Variants in C12orf42 observed in about 807,000 individuals in gnomAD.
C12orf42 encodes the protein uncharacterized protein C12orf42.
C12orf42 carries 25 observed loss-of-function variants against 21.6 expected under a neutral mutation model. The observed-to-expected ratio is 1.16, with a 90% CI of 0.84 to 1.62. The LOEUF is 1.62. C12orf42 is among the 40% of genes most tolerant of loss of function. The pLI is 0.00. For synonymous variants in C12orf42, 174 were observed against 175.0 expected, an observed-to-expected ratio of 0.99 and a Z score of 0.05; for missense variants, 483 against 459.3, an observed-to-expected ratio of 1.05 and a Z score of -0.47.
At chr12:103,099,617 A>G in the C12orf42 span, among the ~76,000 whole-genome samples, 1 of 152,366 alleles carries the variant, frequency 6.6e-6, no homozygotes. Context: ...GAATGAAGAA[A>G]GTATAACATC....
chr12:103,184,301 G>A, the C12orf42 span, among the ~76,000 whole-genome samples: 4 of 152,108 alleles, frequency 2.6e-5, no homozygotes, highest in Admixed American at 2.6e-4. Context: ...ATTATATAAT[G>A]CCCCACTTGG....
At chr12:103,316,971 G>A (rs943570217) in intron 4 of C12orf42, among the ~76,000 whole-genome samples, 1 of 152,128 alleles carries the variant, frequency 6.6e-6, no homozygotes, top group Non-Finnish European at 1.5e-5. Context: ...CTCAGAGATT[G>A]GTCCACATTG....
At chr12:103,419,593 C>T (rs948428369) in intron 2 of C12orf42, among the ~76,000 whole-genome samples, 2 of 152,118 alleles carry the variant, frequency 1.3e-5, no homozygotes, top group African/African-American at 4.8e-5. Flanking sequence ...GTCTGAATAT[C>T]CCTAAACAGA....
chr12:103,183,022 C>A, the C12orf42 span, among the ~76,000 whole-genome samples: 5 of 152,170 alleles, frequency 3.3e-5, no homozygotes, highest in East Asian at 9.7e-4. Flanking sequence ...CACTGTACTC[C>A]TCTTGTATTT....
At chr12:103,516,534 T>C in the C12orf42 span, among the ~76,000 whole-genome samples, 1 of 152,136 alleles carries the variant, frequency 6.6e-6, no homozygotes, top group Non-Finnish European at 1.5e-5. Context: ...CTTACAATCA[T>C]GGTTGAAGGG....
At chr12:103,160,289 T>C in the C12orf42 span, among the ~76,000 whole-genome samples, 1 of 152,340 alleles carries the variant, frequency 6.6e-6, no homozygotes, top group Admixed American at 6.5e-5. Context: ...AAAATTCTTA[T>C]GAGCAAAACT....
At chr12:103,059,467 A>G in the C12orf42 span, among the ~76,000 whole-genome samples, 92 of 152,256 alleles carry the variant, frequency 6.0e-4, 1 homozygote, top group African/African-American at 2.1e-3. Flanking sequence ...CTCCTCTCTA[A>G]CTCATTTTAT....
At chr12:103,311,793 C>T (rs761955437) in intron 4 of C12orf42, among the ~76,000 whole-genome samples, 10 of 152,162 alleles carry the variant, frequency 6.6e-5, no homozygotes, top group South Asian at 2.1e-4. Flanking sequence ...AATATAAACA[C>T]GTGCTCCCAC....
the C12orf42 span, among the ~76,000 whole-genome samples, chr12:103,157,003 C>T: frequency 6.6e-6 from 1 of 152,126 alleles, no homozygotes; most frequent in African/African-American, 2.4e-5. Context: ...AATGGGATTA[C>T]TGGGTCAAAT....
intron 5 of C12orf42, chr12:103,277,081 A>G (rs1566012666): frequency 4.4e-6 from 2 of 453,918 alleles, no homozygotes; most frequent in South Asian, 1.6e-5. Flanking sequence ...GTTTGGGAAG[A>G]TTGCTGGATA....
At chr12:103,265,275 C>T (rs1039539214), downstream of C12orf42, among the ~76,000 whole-genome samples, 5 of 152,272 alleles carry the variant, frequency 3.3e-5, no homozygotes, top group East Asian at 1.9e-4. Flanking sequence ...CAGTCCATAA[C>T]ACATTACATG....
chr12:103,329,478 C>G (rs1481503250), intron 4 of C12orf42, among the ~76,000 whole-genome samples: 1 of 151,878 alleles, frequency 6.6e-6, no homozygotes, highest in African/African-American at 2.4e-5. Flanking sequence ...AGCAAACCCC[C>G]CTGGCATGTG....
At chr12:103,363,122 A>G (rs1207595688) in intron 4 of C12orf42, among the ~76,000 whole-genome samples, 1 of 152,160 alleles carries the variant, frequency 6.6e-6, no homozygotes, top group Non-Finnish European at 1.5e-5. Context: ...CCTATGAAGG[A>G]AAACCTGTCA....
chr12:103,515,706 A>G, the C12orf42 span, among the ~76,000 whole-genome samples: 5 of 152,222 alleles, frequency 3.3e-5, no homozygotes, highest in African/African-American at 1.2e-4. Context: ...TTTCAAATGT[A>G]TGCTGAGTTG....
intron 2 of C12orf42, 56 bp downstream of exon 2, chr12:103,478,293 G>C: frequency 8.8e-7 from 1 of 1,130,346 alleles, no homozygotes; most frequent in Non-Finnish European, 1.3e-6. Flanking sequence ...GGCTGAAATG[G>C]AGCAAACCTA....
intron 1 of C12orf42, among the ~76,000 whole-genome samples, chr12:103,483,773 A>G (rs2138092637): frequency 6.6e-6 from 1 of 151,964 alleles, no homozygotes; most frequent in South Asian, 2.1e-4. Context: ...TCAACTCATC[A>G]TTTACATTAG....
the C12orf42 span, among the ~76,000 whole-genome samples, chr12:103,553,554 GAAAAAAAC>G: frequency 6.6e-6 from 1 of 151,946 alleles, no homozygotes; most frequent in Non-Finnish European, 1.5e-5. Flanking sequence ...ATATCAACAG[GAAAAAAAC>G]AATTTCATTA....
the C12orf42 span, among the ~76,000 whole-genome samples, chr12:103,175,534 T>C: frequency 6.6e-6 from 1 of 152,132 alleles, no homozygotes; most frequent in Non-Finnish European, 1.5e-5. Context: ...CCCAAGGAGC[T>C]TATGTGGCCT....
chr12:103,083,038 C>T, the C12orf42 span, among the ~76,000 whole-genome samples: 2 of 152,032 alleles, frequency 1.3e-5, no homozygotes, highest in South Asian at 2.1e-4. Context: ...AGTGAAGCCT[C>T]GGGTAGACTA....
Sources: gnomAD v4.1 joint callset for allele counts (sites outside exome capture counted in the v4.1 genomes callset) on GRCh38, gnomAD v4.1.1 for gene constraint, MANE v1.5 for transcripts, NCBI Gene and HGNC (gene_info 2026-07-23, HGNC 2026-07-21) for gene names.